ARL3: variants seen among roughly 807,000 people sequenced by gnomAD.
The protein encoded by ARL3 is ADP-ribosylation factor-like protein 3.
A neutral mutation model predicts 26.0 loss-of-function variants in ARL3; 9 were observed. The ratio of observed to expected loss-of-function variants is 0.35; its 90% CI spans 0.21 to 0.60. The LOEUF (loss-of-function observed/expected upper bound fraction) is 0.60, where lower values mean the gene tolerates loss of function less well. ARL3 is among the 20% of genes least tolerant of loss of function. The pLI is 0.78. For missense variants in ARL3, 158 were observed against 215.7 expected, an observed-to-expected ratio of 0.73 and a Z score of 1.67; for synonymous variants, 71 against 78.4, an observed-to-expected ratio of 0.91 and a Z score of 0.50.
chr10:102,711,293 TCA>T (rs1416217898), intron 1 of ARL3, among the ~76,000 whole-genome samples: 3 of 151,954 alleles, frequency 2.0e-5, no homozygotes, highest in East Asian at 1.9e-4. Flanking sequence ...CTTTAGAATT[TCA>T]CAGACTTGTA....
intron 5 of ARL3, among the ~76,000 whole-genome samples, chr10:102,679,437 G>A (rs932082602): frequency 4.6e-5 from 7 of 152,234 alleles, no homozygotes; most frequent in African/African-American, 1.7e-4. Flanking sequence ...AGGTGCTGGT[G>A]TTATTTCTCT....
chr10:102,714,226 G>C, intron 1 of ARL3, 47 bp downstream of exon 1: 1 of 1,313,370 alleles, frequency 7.6e-7, no homozygotes, highest in Non-Finnish European at 9.8e-7. Flanking sequence ...GGGGACGGGA[G>C]GGGGATAACC....
intron 3 of ARL3, among the ~76,000 whole-genome samples, chr10:102,691,161 G>A (rs1242229332): frequency 6.6e-6 from 1 of 151,976 alleles, no homozygotes; most frequent in African/African-American, 2.4e-5. Context: ...TAGGGTACAT[G>A]TGCACACTGT....
chr10:102,687,698 A>T (rs61121698), intron 4 of ARL3, among the ~76,000 whole-genome samples: 8,008 of 150,608 alleles, frequency 0.053, 703 homozygotes, highest in African/African-American at 0.18. Flanking sequence ...GAAAAAAAAA[A>T]TTTTTTTTTG....
intron 5 of ARL3, among the ~76,000 whole-genome samples, chr10:102,684,666 T>C (rs1590120035): frequency 6.6e-6 from 1 of 151,800 alleles, no homozygotes; most frequent in East Asian, 2.0e-4. Flanking sequence ...TGAGAGAGAG[T>C]CTTGCTCTGT....
chr10:102,687,956 T>C (rs2064196381), intron 4 of ARL3, among the ~76,000 whole-genome samples: 2 of 152,158 alleles, frequency 1.3e-5, no homozygotes, highest in African/African-American at 4.8e-5. Context: ...TGTGTGTGTA[T>C]GAAATTTAAA....
At position 102,687,748 on chromosome 10, in the gene ARL3, A is replaced by C. The variant is rs986008404; in HGVS notation, c.316-1747T>G. 5.3e-5 allele frequency among the ~76,000 whole-genome samples: 8 copies of C among 151,940 alleles called. 1 individual carries two copies. The highest frequency in any genetic ancestry group is 7.4e-5 in the Non-Finnish European group (5 of 67,982). On this transcript the variant is annotated intron_variant, in intron 4 of 5. Transcript: ENST00000260746. ...TGATATATTGCCCACGCTGGTCTTG[A>C]ACTCCTGGGCTCAAGGGATCCTCCT...
At chr10:102,690,744 T>C (rs933890778) in intron 3 of ARL3, among the ~76,000 whole-genome samples, 1 of 152,134 alleles carries the variant, frequency 6.6e-6, no homozygotes, top group Non-Finnish European at 1.5e-5. Flanking sequence ...AGATACCCTA[T>C]CCCCTCCCTT....
At chr10:102,690,543 C>G (rs2064211622) in intron 3 of ARL3, among the ~76,000 whole-genome samples, 1 of 152,096 alleles carries the variant, frequency 6.6e-6, no homozygotes, top group African/African-American at 2.4e-5. Context: ...GCCTCAGCCT[C>G]CTAAAGTGCT....
chr10:102,714,332 G>A lies in ARL3; in HGVS notation c.-57C>T. 1 of 1,298,564 alleles carries A rather than the reference G, an allele frequency of 7.7e-7. No individual in the cohort carries two copies. The highest frequency in any genetic ancestry group is 9.8e-7 in the Non-Finnish European group (1 of 1,015,282). The allele number at this position is 1,298,564 out of a possible 1,614,324, so 80.4% of individuals were successfully genotyped here. ...TCCTGCTGCCTCCCCCGTTACCAGGGGCAACTGCTGCGGCGCCGCCCCCGA... is the reference window on the plus strand; with the variant it reads ...TCCTGCTGCCTCCCCCGTTACCAGGAGCAACTGCTGCGGCGCCGCCCCCGA... On this transcript the variant is annotated 5_prime_UTR_variant, in exon 1 of 6. Coordinates refer to ENST00000260746, the MANE Select transcript of ARL3 (RefSeq NM_004311.4).
intron 2 of ARL3, among the ~76,000 whole-genome samples, chr10:102,703,686 G>A (rs1442233746): frequency 1.4e-3 from 195 of 141,316 alleles, no homozygotes; most frequent in Middle Eastern, 4.5e-3. Context: ...CTTGTGATCC[G>A]CCCACCTCGG....
At chr10:102,708,908 A>ATATATATATTTTTTTTTTTTTTTTT in intron 1 of ARL3, among the ~76,000 whole-genome samples, 1 of 95,350 alleles carries the variant, frequency 1.0e-5, no homozygotes, top group African/African-American at 4.2e-5. Flanking sequence ...ATATATATAT[A>ATATATATATTTTTTTTTTTTTTTTT]TTTTTTTTTT....
intron 4 of ARL3, 33 bp from the exon 5 acceptor site, chr10:102,686,034 T>TA: frequency 6.4e-7 from 1 of 1,559,588 alleles, no homozygotes; most frequent in East Asian, 2.2e-5. Context: ...GAGGGAAGGT[T>TA]AAAATCTATA....
Position 102,676,532 on chromosome 10 carries a change from CTTTTTCT to C in ARL3, c.*355_*361del, listed in dbSNP as rs562021997. ...AGCAAAGCTGCTTCTTCCTCTTTTT[CTTTTTCT>C]TTTTTTTTTTTTGAGAGGAAAAAAA... On this transcript the variant is annotated 3_prime_UTR_variant, in exon 6 of 6. Coordinates refer to ENST00000260746, the MANE Select transcript of ARL3 (RefSeq NM_004311.4). 5.1e-4 allele frequency: 88 copies of C among 171,446 alleles called. 1 individual carries two copies. The South Asian group carries it at 9.4e-3, about 18-fold the overall frequency. The allele number at this position is 171,446 out of a possible 1,614,324, so 10.6% of individuals were successfully genotyped here.
At chr10:102,709,525 C>T (rs916294714) in intron 1 of ARL3, among the ~76,000 whole-genome samples, 1 of 148,756 alleles carries the variant, frequency 6.7e-6, no homozygotes, top group Non-Finnish European at 1.5e-5. Flanking sequence ...TGTGCACCTG[C>T]GGTTCCAGCT....
At chr10:102,682,164 A>C (rs2064158668) in intron 5 of ARL3, among the ~76,000 whole-genome samples, 1 of 152,054 alleles carries the variant, frequency 6.6e-6, no homozygotes, top group Admixed American at 6.6e-5. Context: ...GACATTTTTC[A>C]GTTTCTCCTC....
At chr10:102,702,277 A>G (rs538785971) in intron 2 of ARL3, among the ~76,000 whole-genome samples, 2 of 152,182 alleles carry the variant, frequency 1.3e-5, no homozygotes, top group East Asian at 1.9e-4. Context: ...AAATATACCC[A>G]TCATATATAT....
At chr10:102,706,704 T>C (rs2064312761) in intron 1 of ARL3, among the ~76,000 whole-genome samples, 2 of 152,002 alleles carry the variant, frequency 1.3e-5, no homozygotes, top group Non-Finnish European at 2.9e-5. Context: ...AATATTTCCC[T>C]CTGTCACCCA....
intron 5 of ARL3, among the ~76,000 whole-genome samples, chr10:102,685,403 T>A (rs2064178188): frequency 1.3e-5 from 2 of 152,150 alleles, no homozygotes; most frequent in Admixed American, 6.5e-5. Flanking sequence ...GTAGGGAAGA[T>A]AACCAACAGA....
Sources: gnomAD v4.1 joint callset for allele counts (sites outside exome capture counted in the v4.1 genomes callset) on GRCh38, gnomAD v4.1.1 for gene constraint, MANE v1.5 for transcripts, NCBI Gene and HGNC (gene_info 2026-07-23, HGNC 2026-07-21) for gene names.